Variants in SEMA5A observed in about 807,000 individuals in gnomAD.
SEMA5A encodes the protein semaphorin 5A.
SEMA5A carries 55 observed loss-of-function variants against 135.5 expected under a neutral mutation model. That is an observed-to-expected ratio of 0.41 (90% CI 0.33 to 0.51). The LOEUF is 0.51. SEMA5A is among the 20% of genes least tolerant of loss of function. The probability of loss-of-function intolerance (pLI) is 0.37; values close to 1 mark genes in which losing one functional copy is unlikely to be tolerated. For missense variants in SEMA5A, 1,290 were observed against 1,419.9 expected, an observed-to-expected ratio of 0.91 and a Z score of 1.47; for synonymous variants, 580 against 546.5, an observed-to-expected ratio of 1.06 and a Z score of -0.85.
At chr5:9,349,627 C>T (rs376558393) in intron 3 of SEMA5A, among the ~76,000 whole-genome samples, 9 of 152,100 alleles carry the variant, frequency 5.9e-5, no homozygotes, top group African/African-American at 1.2e-4. Flanking sequence ...GGGTTGGGCA[C>T]GGTGGCTCAC....
chr5:9,419,760 C>A (rs763616382), intron 2 of SEMA5A, among the ~76,000 whole-genome samples: 7 of 152,126 alleles, frequency 4.6e-5, no homozygotes, highest in Non-Finnish European at 8.8e-5. Context: ...GGGAGCATTC[C>A]ATTTTTTTCT....
At chr5:9,502,517 G>A (rs1735648680) in intron 1 of SEMA5A, among the ~76,000 whole-genome samples, 1 of 152,178 alleles carries the variant, frequency 6.6e-6, no homozygotes, top group Non-Finnish European at 1.5e-5. Context: ...GAGCTGGCCT[G>A]GAGTCGCTTT....
At chr5:9,239,480 A>G (rs145780002) in intron 5 of SEMA5A, among the ~76,000 whole-genome samples, 17 of 152,292 alleles carry the variant, frequency 1.1e-4, no homozygotes, top group African/African-American at 3.8e-4. Context: ...GATAAAATAA[A>G]TGAAAATAAA....
chr5:9,466,445 T>C (rs1227831531), intron 1 of SEMA5A, among the ~76,000 whole-genome samples: 1 of 149,168 alleles, frequency 6.7e-6, no homozygotes, highest in Non-Finnish European at 1.5e-5. Flanking sequence ...ACTATCAACA[T>C]GGTTGAAGAG....
At chr5:9,334,910 T>C (rs1010022886) in intron 4 of SEMA5A, among the ~76,000 whole-genome samples, 1 of 152,202 alleles carries the variant, frequency 6.6e-6, no homozygotes, top group African/African-American at 2.4e-5. Flanking sequence ...CCATACAGCA[T>C]GCTAGGTTGA....
intron 3 of SEMA5A, among the ~76,000 whole-genome samples, chr5:9,364,114 CTAAGT>C (rs1281704557): frequency 3.9e-5 from 6 of 152,274 alleles, no homozygotes; most frequent in South Asian, 4.1e-4. Context: ...TCTTTCCTTG[CTAAGT>C]TAATTTTTCT....
In SEMA5A at chr5:9,388,627, T is replaced by C. The variant is rs537018853; in HGVS notation, c.-77-8604A>G. On this transcript the variant is annotated intron_variant, in intron 2 of 22. Coordinates refer to ENST00000382496, the MANE Select transcript of SEMA5A (RefSeq NM_003966.3). Reference sequence around the variant, plus strand: ...AAATATTCCAGTTATAGGCCGCGCGTGGTGGCTCACGCCTGTAATCCCTGC... The same window carrying C: ...AAATATTCCAGTTATAGGCCGCGCGCGGTGGCTCACGCCTGTAATCCCTGC... Among the ~76,000 whole-genome samples, 1,232 of 152,086 alleles carry C rather than the reference T, an allele frequency of 8.1e-3. 4 individuals carry two copies. Among genetic ancestry groups the C allele is most frequent in the Non-Finnish European group, 0.011 (760 of 67,984 alleles).
At chr5:9,212,331 A>T (rs1806037) in intron 8 of SEMA5A, among the ~76,000 whole-genome samples, 4,478 of 152,326 alleles carry the variant, frequency 0.029, 237 homozygotes, top group African/African-American at 0.1. Context: ...AATCATTTCA[A>T]AGTTATTAAC....
At chr5:9,494,532 T>C (rs888708396) in intron 1 of SEMA5A, among the ~76,000 whole-genome samples, 3 of 152,148 alleles carry the variant, frequency 2.0e-5, no homozygotes, top group Non-Finnish European at 4.4e-5. Flanking sequence ...TTGACACTGC[T>C]CCTAGCCCCC....
At chr5:9,318,444 T>G in intron 4 of SEMA5A, 27 bp from the exon 5 acceptor site, 1 of 1,576,566 alleles carries the variant, frequency 6.3e-7, no homozygotes, top group Non-Finnish European at 8.6e-7. Context: ...CAGAGCAGTT[T>G]TATTTTTAAT....
chr5:9,254,207 C>A (rs376974979), intron 5 of SEMA5A, among the ~76,000 whole-genome samples: 99 of 152,218 alleles, frequency 6.5e-4, no homozygotes, highest in African/African-American at 2.3e-3. Context: ...ATAATATGAG[C>A]TTTTCTAAAG....
In SEMA5A at chr5:9,108,145, T is replaced by C; in HGVS notation, c.2068A>G (p.Asn690Asp). The C allele has an allele frequency of 6.2e-7, 1 of 1,613,902 alleles. No homozygotes were observed. Among genetic ancestry groups the C allele is most frequent in the Non-Finnish European group, 8.5e-7 (1 of 1,179,882 alleles). The change falls in exon 16 of 23, where the codon AAT (asparagine) becomes GAT (aspartate). Residue 690 changes from asparagine to aspartate, a missense_variant. Asn to Asp is a conservative substitution (Grantham distance 23). Around this residue, in one of 3 missense-constraint regions of SEMA5A, gnomAD observed 1,029 missense variants for 1,086.6 expected, o/e 0.95. Coordinates refer to ENST00000382496, the MANE Select transcript of SEMA5A (RefSeq NM_003966.3). Reference sequence around the variant, plus strand: ...GTGAGAAGAAGGCTACTCACCACATTGCAGCCTGCACAGTCAGGCCCATTC... The same window carrying C: ...GTGAGAAGAAGGCTACTCACCACATCGCAGCCTGCACAGTCAGGCCCATTC... ...CENGPDCAGCNVEYQSCNTNP... is the reference protein window; with the variant it reads ...CENGPDCAGCDVEYQSCNTNP...
intron 13 of SEMA5A, among the ~76,000 whole-genome samples, chr5:9,127,998 TCTC>T (rs1262505603): frequency 1.3e-5 from 2 of 152,234 alleles, no homozygotes; most frequent in African/African-American, 4.8e-5. Context: ...CTTAAAATAA[TCTC>T]CTGTCCTGGA....
intron 5 of SEMA5A, among the ~76,000 whole-genome samples, chr5:9,253,593 C>A (rs2150494775): frequency 6.6e-6 from 1 of 152,208 alleles, no homozygotes; most frequent in East Asian, 1.9e-4. Flanking sequence ...GGTGTTTTGA[C>A]AAATATTATT....
intron 12 of SEMA5A, among the ~76,000 whole-genome samples, chr5:9,147,740 A>AAC (rs1431066080): frequency 6.6e-6 from 1 of 151,780 alleles, no homozygotes. Context: ...AAAAAAAAAA[A>AAC]AACCCACCTA....
chr5:9,518,673 T>G (rs1411518605), intron 1 of SEMA5A, among the ~76,000 whole-genome samples: 1 of 152,218 alleles, frequency 6.6e-6, no homozygotes, highest in Non-Finnish European at 1.5e-5. Flanking sequence ...TTGATGTTCC[T>G]GTATCCCTCC....
intron 6 of SEMA5A, among the ~76,000 whole-genome samples, chr5:9,230,697 G>C (rs181610123): frequency 2.0e-5 from 3 of 152,116 alleles, no homozygotes; most frequent in Non-Finnish European, 2.9e-5. Context: ...ATAAAATGAT[G>C]GAGGGTGGCC....
At chr5:9,153,556 G>C (rs1269814327) in intron 12 of SEMA5A, among the ~76,000 whole-genome samples, 1 of 151,980 alleles carries the variant, frequency 6.6e-6, no homozygotes, top group Non-Finnish European at 1.5e-5. Flanking sequence ...CTCTCTGCAG[G>C]CTCAGGAGAG....
At chr5:9,525,590 C>T (rs1324597660) in intron 1 of SEMA5A, among the ~76,000 whole-genome samples, 1 of 152,170 alleles carries the variant, frequency 6.6e-6, no homozygotes, top group East Asian at 1.9e-4. Context: ...TCTCTCGGAG[C>T]CTTTTCAACC....
Sources: gnomAD v4.1 joint callset for allele counts (sites outside exome capture counted in the v4.1 genomes callset) on GRCh38, gnomAD v4.1.1 for gene constraint, gnomAD v4.1.1 regional missense constraint, MANE v1.5 for transcripts, NCBI Gene and HGNC (gene_info 2026-07-23, HGNC 2026-07-21) for gene names.